The following SLC27A2 variants were observed in gnomAD, a reference collection of about 807,000 sequenced individuals.
SLC27A2 encodes the protein long-chain fatty acid transport protein 2.
A neutral mutation model predicts 60.0 loss-of-function variants in SLC27A2; 54 were observed. The ratio of observed to expected loss-of-function variants is 0.90; its 90% CI spans 0.72 to 1.13. SLC27A2 has a LOEUF of 1.13. Among genes scored for constraint, SLC27A2 ranks in the 50% most tolerant of loss-of-function variants. The pLI is 0.00. For missense variants in SLC27A2, 739 were observed against 777.6 expected (o/e 0.95, Z 0.59); for synonymous variants, 297 against 297.6 (o/e 1.00, Z 0.02).
intron 9 of SLC27A2, among the ~76,000 whole-genome samples, chr15:50,235,231 A>T (rs2045343529): frequency 6.6e-6 from 1 of 152,228 alleles, no homozygotes; most frequent in South Asian, 2.1e-4. Flanking sequence ...CCAGATGGTA[A>T]AGTGGCATGA....
intron 1 of SLC27A2, among the ~76,000 whole-genome samples, chr15:50,189,232 G>C (rs55852503): frequency 0.1 from 15,546 of 152,030 alleles, 888 homozygotes; most frequent in Middle Eastern, 0.14. Flanking sequence ...CCCAGGCCCA[G>C]CCTTACCCTA....
chr15:50,236,339 A>ATTAT lies in SLC27A2; in HGVS notation c.*246_*249dup, dbSNP rs1349669689. On this transcript the variant is annotated 3_prime_UTR_variant, in exon 10 of 10. Coordinates refer to ENST00000267842, the MANE Select transcript of SLC27A2 (RefSeq NM_003645.4). ...AAACTGAGCTTGTTGGAGGGAAGGC[A>ATTAT]TTATTTTTTAAAATACTTAGTAAAT... is the stretch of plus-strand genomic sequence containing the variant. 2.7e-6 allele frequency: 1 copy of ATTAT among 364,962 alleles called. No individual in the cohort carries two copies. Among genetic ancestry groups the ATTAT allele is most frequent in the Non-Finnish European group, 4.9e-6 (1 of 205,934 alleles). 22.6% of individuals were successfully genotyped at this position (364,962 alleles called of 1,614,324 possible).
intron 4 of SLC27A2, among the ~76,000 whole-genome samples, chr15:50,206,261 C>G (rs1484367505): frequency 6.6e-6 from 1 of 152,156 alleles, no homozygotes; most frequent in East Asian, 1.9e-4. Flanking sequence ...TCTCCAGAAA[C>G]TGCCAAATGT....
chr15:50,227,362 G>A (rs946360042), intron 7 of SLC27A2, among the ~76,000 whole-genome samples, 184 bp downstream of exon 7: 22 of 152,314 alleles, frequency 1.4e-4, no homozygotes, highest in Admixed American at 6.5e-4. Context: ...TGCAGTGCAC[G>A]GTTAACTTGG....
At chr15:50,191,394 C>T (rs1456087885) in intron 1 of SLC27A2, among the ~76,000 whole-genome samples, 1 of 152,180 alleles carries the variant, frequency 6.6e-6, no homozygotes, top group Non-Finnish European at 1.5e-5. Context: ...CAAGGTTAAG[C>T]ACCACCACCC....
chr15:50,223,004 G>A lies in SLC27A2; in HGVS notation c.1012G>A (p.Gly338Arg). ...DRDHKVRLAL[G>R]NGLRGDVWRQ... ...TGATCATAAAGTGAGACTGGCACTG[G>A]GAAATGGCTTACGAGGAGATGTGTG... Residue 338 changes from glycine to arginine, a missense_variant, in exon 5 of 10, where the codon GGA becomes AGA. Physicochemically the swap from Gly to Arg is moderately radical, Grantham distance 125. Transcript: ENST00000267842. 6.2e-7 allele frequency: 1 copy of A among 1,613,352 alleles called. No individual in the cohort carries two copies. The highest frequency in any genetic ancestry group is 8.5e-7 in the Non-Finnish European group (1 of 1,179,694).
intron 1 of SLC27A2, among the ~76,000 whole-genome samples, chr15:50,185,215 C>A (rs1179696999): frequency 6.6e-6 from 1 of 152,184 alleles, no homozygotes; most frequent in African/African-American, 2.4e-5. Context: ...ACCCAGCTAA[C>A]AGTTGTCTGC....
Position 50,183,094 on chromosome 15 carries a change from A to C in SLC27A2, c.478+189A>C, listed in dbSNP as rs116591823. ...AGGACCACCTGTTGTGGAAGCTGATAATGTGCTAGGTTCTGTGTTAAGCAC... is the reference window on the plus strand; with the variant it reads ...AGGACCACCTGTTGTGGAAGCTGATCATGTGCTAGGTTCTGTGTTAAGCAC... On this transcript the variant is annotated intron_variant, in intron 1 of 9. Transcript: ENST00000267842. Among the ~76,000 whole-genome samples, 452 of 152,312 alleles carry C rather than the reference A, an allele frequency of 3.0e-3. 1 individual carries two copies. Among genetic ancestry groups the C allele is most frequent in the African/African-American group, 0.01 (430 of 41,566 alleles).
intron 9 of SLC27A2, among the ~76,000 whole-genome samples, chr15:50,234,448 G>A (rs1478845653): frequency 1.3e-5 from 2 of 151,996 alleles, no homozygotes; most frequent in Non-Finnish European, 2.9e-5. Flanking sequence ...TTAGCTGGGC[G>A]TGGTAGTGCA....
chr15:50,193,338 C>G, intron 1 of SLC27A2, among the ~76,000 whole-genome samples: 1 of 152,164 alleles, frequency 6.6e-6, no homozygotes, highest in East Asian at 1.9e-4. Flanking sequence ...TCTATTAGAC[C>G]TGGGCTCTAT....
intron 2 of SLC27A2, among the ~76,000 whole-genome samples, chr15:50,199,041 T>TC (rs2045045139): frequency 6.6e-6 from 1 of 151,710 alleles, no homozygotes. Flanking sequence ...TTTTTTTTTT[T>TC]ATTTTTATTG....
At position 50,233,875 on chromosome 15, in the gene SLC27A2, G is replaced by T; in HGVS notation, c.1563G>T (p.Glu521Asp). Residue 521 changes from glutamate (E) to aspartate (D), a missense_variant, in exon 9 of 10, where the codon GAG (glutamate) becomes GAT (aspartate). Transcript: ENST00000267842. ...NVYGVHVPDH[E>D]GRIGMASIKM... is the part of the protein sequence containing the mutation. The stretch of plus-strand genomic sequence containing the variant: ...TTCTCACTTTATTTCTAGATCATGA[G>T]GGTCGCATTGGCATGGCCTCCATCA... The T allele has an allele frequency of 1.2e-6, 2 of 1,611,682 alleles. No homozygotes were observed. Among genetic ancestry groups the T allele is most frequent in the Non-Finnish European group, 1.7e-6 (2 of 1,178,924 alleles).
chr15:50,236,059 T>C lies in SLC27A2; in HGVS notation c.1826T>C (p.Ile609Thr). 2 of 1,613,040 alleles carry C rather than the reference T, an allele frequency of 1.2e-6. No homozygotes were observed. The highest frequency in any genetic ancestry group is 1.7e-6 in the Non-Finnish European group (2 of 1,179,416). ...ATGTATGTGCCTATGACTGAGGACA[T>C]CTATAATGCCATAAGTGCTAAAACC... The part of the protein sequence containing the change: ...AKMYVPMTED[I>T]YNAISAKTLK... Residue 609 changes from isoleucine to threonine, a missense_variant, in exon 10 of 10, where the codon ATC (isoleucine) becomes ACC (threonine). Transcript: ENST00000267842.
chr15:50,212,452 A>G (rs2045165158), intron 4 of SLC27A2, among the ~76,000 whole-genome samples: 1 of 152,254 alleles, frequency 6.6e-6, no homozygotes, highest in African/African-American at 2.4e-5. Context: ...CACCTGGGAA[A>G]TTCATCACAT....
In SLC27A2 at chr15:50,205,395, A is replaced by G. The variant is rs551479485; in HGVS notation, c.972+32A>G. The stretch of plus-strand genomic sequence containing the variant: ...CTCCCCCCGTTTTACTATCATTTTG[A>G]AATGGGTAAGATGGAAATTCAAGTC... On this transcript the variant is annotated intron_variant, in intron 4 of 9. Transcript: ENST00000267842. 280 of 1,583,658 alleles carry G rather than the reference A, an allele frequency of 1.8e-4. 5 individuals are homozygous for G. In the South Asian group the frequency reaches 3.1e-3, roughly 18 times the overall value.
At chr15:50,233,750 T>A in intron 8 of SLC27A2, 118 bp from the exon 9 acceptor site, 1 of 835,070 alleles carries the variant, frequency 1.2e-6, no homozygotes. Context: ...TTAATAAAAA[T>A]TCCAGCTATC....
chr15:50,187,969 C>CAA (rs36119542), intron 1 of SLC27A2, among the ~76,000 whole-genome samples: 61 of 105,738 alleles, frequency 5.8e-4, no homozygotes, highest in Middle Eastern at 5.0e-3. Context: ...GAGAGGCCAC[C>CAA]AAAAAAAAAA....
chr15:50,234,295 T>A (rs970270586), intron 9 of SLC27A2, among the ~76,000 whole-genome samples: 1 of 151,858 alleles, frequency 6.6e-6, no homozygotes, highest in African/African-American at 2.4e-5. Flanking sequence ...AAAATGAAAA[T>A]TTTTAAAAAA....
intron 6 of SLC27A2, among the ~76,000 whole-genome samples, 180 bp from the exon 7 acceptor site, chr15:50,226,800 G>A (rs1022097131): frequency 1.1e-4 from 17 of 152,154 alleles, no homozygotes; most frequent in African/African-American, 3.6e-4. Context: ...TGTGTGTGGT[G>A]TATGTATGTG....
Sources: allele counts gnomAD v4.1 joint callset (sites outside exome capture counted in the v4.1 genomes callset), GRCh38; gene constraint gnomAD v4.1.1; transcripts MANE v1.5; gene names NCBI Gene and HGNC (gene_info 2026-07-23, HGNC 2026-07-21).